The following CTNND2 variants were observed in gnomAD, a reference collection of about 807,000 sequenced individuals.
CTNND2 encodes the protein catenin delta-2.
CTNND2 carries 22 observed loss-of-function variants against 144.4 expected under a neutral mutation model. That is an observed-to-expected ratio of 0.15 (90% confidence interval 0.11 to 0.22). The LOEUF is 0.22. Ranked by LOEUF, CTNND2 falls within the 10% of genes least tolerant of loss-of-function variation. The pLI, the probability that CTNND2 is intolerant of heterozygous loss-of-function variation, is 1.00. For synonymous variants in CTNND2, 751 were observed against 695.6 expected (o/e 1.08, Z -1.25); for missense variants, 1,353 against 1,618.8 (o/e 0.84, Z 2.82).
intron 5 of CTNND2, among the ~76,000 whole-genome samples, chr5:11,408,867 T>C (rs1431554134): frequency 3.9e-5 from 6 of 151,972 alleles, no homozygotes; most frequent in Non-Finnish European, 7.4e-5. Context: ...CAGAAAAAAA[T>C]ATCATCTATT....
intron 1 of CTNND2, among the ~76,000 whole-genome samples, chr5:11,800,694 A>T (rs1336414169): frequency 6.6e-6 from 1 of 152,212 alleles, no homozygotes; most frequent in Non-Finnish European, 1.5e-5. Flanking sequence ...ACATAAAGTC[A>T]ATTGAGATAA....
At chr5:11,110,719 C>G in intron 14 of CTNND2, 139 bp downstream of exon 14, 1 of 784,538 alleles carries the variant, frequency 1.3e-6, no homozygotes, top group Non-Finnish European at 2.0e-6. Flanking sequence ...GTGAAATTCC[C>G]ACAGGAAAAT....
At chr5:11,010,178 A>C (rs960800014) in intron 18 of CTNND2, among the ~76,000 whole-genome samples, 8 of 152,244 alleles carry the variant, frequency 5.3e-5, no homozygotes, top group Admixed American at 3.9e-4. Context: ...AGAATTTTCC[A>C]GCACAGTAGG....
intron 3 of CTNND2, among the ~76,000 whole-genome samples, chr5:11,413,068 A>C (rs1280309456): frequency 2.6e-5 from 4 of 152,214 alleles, no homozygotes. Context: ...GTAGTCCATT[A>C]AGAGACATGT....
intron 2 of CTNND2, among the ~76,000 whole-genome samples, chr5:11,647,270 G>A (rs1204160203): frequency 1.3e-5 from 2 of 152,112 alleles, no homozygotes; most frequent in African/African-American, 4.8e-5. Context: ...AAAAGTCCAA[G>A]CCTGGATCAA....
At chr5:11,205,915 C>A (rs569763255) in intron 10 of CTNND2, among the ~76,000 whole-genome samples, 2 of 152,086 alleles carry the variant, frequency 1.3e-5, no homozygotes, top group African/African-American at 4.8e-5. Flanking sequence ...ATCTTAAAAC[C>A]GGTTTCCCCC....
At chr5:11,528,471 T>C (rs1361230653) in intron 3 of CTNND2, among the ~76,000 whole-genome samples, 1 of 152,104 alleles carries the variant, frequency 6.6e-6, no homozygotes, top group African/African-American at 2.4e-5. Context: ...CTCCATGTCA[T>C]GGAGTTATCA....
chr5:11,470,981 T>TATATATATATATATA (rs58435800), intron 3 of CTNND2, among the ~76,000 whole-genome samples: 811 of 63,256 alleles, frequency 0.013, 1 homozygote, highest in Non-Finnish European at 0.017. Context: ...TATATATATA[T>TATATATATATATATA]TTTTTTTTTT....
intron 16 of CTNND2, among the ~76,000 whole-genome samples, chr5:11,047,279 G>T (rs2895585): frequency 0.076 from 11,594 of 152,244 alleles, 575 homozygotes; most frequent in Non-Finnish European, 0.1. Flanking sequence ...ACAGGAAGCG[G>T]GACTGGGCAA....
At chr5:11,430,731 C>T (rs556386271) in intron 3 of CTNND2, among the ~76,000 whole-genome samples, 21 of 152,310 alleles carry the variant, frequency 1.4e-4, no homozygotes, top group South Asian at 4.1e-4. Flanking sequence ...AACATTATTC[C>T]TTTTGCCTTA....
In CTNND2 at chr5:10,973,321, C is replaced by T; in HGVS notation, c.*132G>A. ...TAAAATAGCTCTTAATATTTCCTTA[C>T]TGGTTATCACAGCCTTCCTATGGAA... is the stretch of plus-strand genomic sequence containing the variant. On this transcript the variant is annotated 3_prime_UTR_variant, in exon 22 of 22. Transcript: ENST00000304623. The surrounding 1 kb of genome is among the most constrained non-coding windows in gnomAD (Gnocchi z 5.6). 1.1e-6 allele frequency: 1 copy of T among 935,400 alleles called. No individual in the cohort carries two copies. The allele number at this position is 935,400 out of a possible 1,614,324, so 57.9% of individuals were successfully genotyped here.
chr5:11,109,414 T>C (rs1440593872), intron 14 of CTNND2, among the ~76,000 whole-genome samples: 1 of 152,200 alleles, frequency 6.6e-6, no homozygotes, highest in African/African-American at 2.4e-5. Flanking sequence ...AGATTTTTCT[T>C]ATAGCTAAAT....
chr5:11,890,194 AC>A, intron 1 of CTNND2, among the ~76,000 whole-genome samples: 1 of 152,236 alleles, frequency 6.6e-6, no homozygotes, highest in South Asian at 2.1e-4. Flanking sequence ...GTCCCTGAAA[AC>A]TTAAACTTGG....
chr5:11,123,937 T>C (rs1038882872), intron 12 of CTNND2, among the ~76,000 whole-genome samples: 8 of 152,212 alleles, frequency 5.3e-5, no homozygotes, highest in African/African-American at 9.6e-5. Flanking sequence ...CACACACCAG[T>C]TATGGCCTTT....
chr5:11,038,847 G>A (rs991457720), intron 16 of CTNND2, among the ~76,000 whole-genome samples: 1 of 152,206 alleles, frequency 6.6e-6, no homozygotes, highest in Non-Finnish European at 1.5e-5. Flanking sequence ...TGTCTATACA[G>A]CTGGTTCAAT....
At chr5:11,451,503 T>A (rs942764928) in intron 3 of CTNND2, among the ~76,000 whole-genome samples, 2 of 152,202 alleles carry the variant, frequency 1.3e-5, no homozygotes, top group Non-Finnish European at 2.9e-5. Context: ...TTTGAAATGA[T>A]GTTCAAAGGA....
chr5:11,057,443 A>C (rs1267145254), intron 16 of CTNND2, among the ~76,000 whole-genome samples: 1 of 152,220 alleles, frequency 6.6e-6, no homozygotes, highest in Non-Finnish European at 1.5e-5. Flanking sequence ...GTTCCCCTGC[A>C]CAAACTCTCT....
At chr5:11,584,568 G>A (rs749753743) in intron 2 of CTNND2, among the ~76,000 whole-genome samples, 1 of 152,036 alleles carries the variant, frequency 6.6e-6, no homozygotes, top group Non-Finnish European at 1.5e-5. Flanking sequence ...ACAATGCAGT[G>A]TTTATTAAAT....
chr5:11,600,366 G>A (rs1463553374), intron 2 of CTNND2, among the ~76,000 whole-genome samples: 1 of 152,090 alleles, frequency 6.6e-6, no homozygotes, highest in African/African-American at 2.4e-5. Context: ...TAAGTATATT[G>A]TGTGTTATAG....
Sources: gnomAD v4.1 joint callset for allele counts (sites outside exome capture counted in the v4.1 genomes callset) on GRCh38, gnomAD v4.1.1 for gene constraint, Gnocchi (gnomAD v3.1) non-coding constraint, MANE v1.5 for transcripts, NCBI Gene and HGNC (gene_info 2026-07-23, HGNC 2026-07-21) for gene names.